The following TTN variants were observed in gnomAD, a reference collection of about 807,000 sequenced individuals.
TTN encodes connectin.
A neutral mutation model predicts 3,223.0 loss-of-function variants in TTN; 1,525 were observed. That is an observed-to-expected ratio of 0.47 (90% CI 0.45 to 0.49). The LOEUF is 0.49. Ranked by LOEUF, TTN falls within the 20% of genes least tolerant of loss-of-function variation. The pLI is 0.00. For synonymous variants in TTN, 14,094 were observed against 15,161.0 expected (o/e 0.93, Z 5.17); for missense variants, 40,786 against 43,424.0 (o/e 0.94, Z 5.40).
In TTN at chr2:178,546,825, C is replaced by T; in HGVS notation, c.94603G>A (p.Gly31535Ser). The change falls in exon 341 of 363, where the codon GGC becomes AGC. Residue 31535 changes from glycine to serine, a missense_variant. Physicochemically the swap from Gly to Ser is moderately conservative, Grantham distance 56 (BLOSUM62 0). Coordinates refer to ENST00000589042, the MANE Select transcript of TTN (RefSeq NM_001267550.2). ...LIWSAPAYDGGSKVVGYIIER... is the reference protein window; with the variant it reads ...LIWSAPAYDGSSKVVGYIIER... ...ATGATGTAGCCCACAACCTTGCTGC[C>T]TCCATCATACGCTGGGGCAGACCAA... 6.2e-7 allele frequency: 1 copy of T among 1,610,756 alleles called. No individual in the cohort carries two copies. The highest frequency in any genetic ancestry group is 1.7e-4 in the Middle Eastern group (1 of 6,050).
intron 47 of TTN, chr2:178,751,025 C>T (rs2085341103): frequency 6.2e-7 from 1 of 1,612,618 alleles, no homozygotes; most frequent in South Asian, 1.1e-5. Context: ...AGTTTGAAAG[C>T]TTGTGGGAAG....
chr2:178,563,226 G>T lies in TTN; in HGVS notation c.82906C>A (p.Leu27636Ile). Residue 27636 changes from leucine (L) to isoleucine (I), a missense_variant, in exon 326 of 363, where the codon CTT (leucine) becomes ATT (isoleucine). Physicochemically the swap from Leu to Ile is conservative, Grantham distance 5 (BLOSUM62 2). Coordinates refer to ENST00000589042, the MANE Select transcript of TTN (RefSeq NM_001267550.2). The surrounding 1 kb of genome is among the most constrained non-coding windows in gnomAD (Gnocchi z 4.5). Reference sequence around the variant, plus strand: ...AAGTTATATTCAGTGTTTTCTTTAAGCTTGGTCACTGTGAACTGCTTTCCT... The same window carrying T: ...AAGTTATATTCAGTGTTTTCTTTAATCTTGGTCACTGTGAACTGCTTTCCT... ...LQGKQFTVTK[L>I]KENTEYNFRI... 1 of 1,613,694 alleles carries T rather than the reference G, an allele frequency of 6.2e-7. No homozygotes were observed. Among genetic ancestry groups the T allele is most frequent in the Non-Finnish European group, 8.5e-7 (1 of 1,179,710 alleles).
At position 178,692,931 on chromosome 2, in the gene TTN, T is replaced by C. The variant is rs151213763; in HGVS notation, c.31595-351A>G. Among the ~76,000 whole-genome samples the C allele has an allele frequency of 2.6e-5, 4 of 152,192 alleles. No individual in the cohort carries two copies. In the East Asian group the frequency reaches 5.8e-4, roughly 22 times the overall value. On this transcript the variant is annotated intron_variant, in intron 119 of 362. Coordinates refer to ENST00000589042, the MANE Select transcript of TTN (RefSeq NM_001267550.2). ...TTATAAAGCAGTTTCATAAATACAA[T>C]TGCATTAGATTTTTTTGTGTCTTAA...
rs748984928 is a variant in TTN at position 178,545,894 on chromosome 2, C to A, written c.95342G>T (p.Arg31781Leu). The A allele has an allele frequency of 1.2e-6, 2 of 1,613,856 alleles. No homozygotes were observed. The highest frequency in any genetic ancestry group is 3.3e-5 in the Admixed American group (2 of 60,006). The change falls in exon 343 of 363, where the codon CGA becomes CTA. Residue 31781 changes from arginine (R) to leucine (L), a missense_variant. Arg to Leu is a moderately radical substitution (Grantham distance 102). Transcript: ENST00000589042. Reference protein sequence around the residue: ...RLIKNNEYIFRVRAVNKYGPG... With the variant: ...RLIKNNEYIFLVRAVNKYGPG... Reference sequence around the variant, plus strand: ...GCCATATTTGTTTACTGCCCTCACTCGGAATATGTACTCATTGTTCTTGAT... The same window carrying A: ...GCCATATTTGTTTACTGCCCTCACTAGGAATATGTACTCATTGTTCTTGAT...
At position 178,800,538 on chromosome 2, in the gene TTN, G is replaced by A; in HGVS notation, c.440C>T (p.Ser147Phe). The A allele has an allele frequency of 6.2e-7, 1 of 1,614,144 alleles. No homozygotes were observed. The highest frequency in any genetic ancestry group is 1.3e-5 in the African/African-American group (1 of 75,040). ...TTCTTGTGAAATTTGGAAATCAAGG[G>A]AGCTCTGGATTTCGGCTCCATCCCG... ...FYRDGAEIQSSLDFQISQEGD... is the reference protein window; with the variant it reads ...FYRDGAEIQSFLDFQISQEGD... Residue 147 changes from serine to phenylalanine, a missense_variant, in exon 4 of 363, where the codon TCC becomes TTC. Coordinates refer to ENST00000589042, the MANE Select transcript of TTN (RefSeq NM_001267550.2).
Position 178,799,913 on chromosome 2 carries a change from GT to G in TTN, c.584-4del. The G allele has an allele frequency of 6.2e-7, 1 of 1,614,008 alleles. No homozygotes were observed. The highest frequency in any genetic ancestry group is 8.5e-7 in the Non-Finnish European group (1 of 1,179,888). Reference sequence around the variant, plus strand: ...TTTAGCAGGTACTTCTTCTTCACCTGTGGGAAGGGAAAGATGAATGTTTGGG... The same window carrying G: ...TTTAGCAGGTACTTCTTCTTCACCTGGGGAAGGGAAAGATGAATGTTTGGG... On this transcript the variant is annotated splice_region_variant and splice_polypyrimidine_tract_variant and intron_variant, in intron 4 of 362. Transcript: ENST00000589042.
chr2:178,531,276 T>G lies in TTN; in HGVS notation c.105339A>C (p.Ser35113=). The G allele has an allele frequency of 1.2e-6, 2 of 1,614,012 alleles. No individual in the cohort carries two copies. Among genetic ancestry groups the G allele is most frequent in the Non-Finnish European group, 1.7e-6 (2 of 1,179,882 alleles). ...EMKSAALEEK[S]LEEKSTTRKI... is the part of the protein sequence containing the mutation. ...TTCTGGTTGTGGATTTTTCTTCCAG[T>G]GACTTTTCTTCTAATGCAGCACTTT... The change falls in exon 358 of 363, where the codon TCA becomes TCC. Residue 35113 remains serine, a synonymous_variant. Transcript: ENST00000589042.
chr2:178,633,228 C>T lies in TTN; in HGVS notation c.43045G>A (p.Gly14349Ser), dbSNP rs781452930. 3.2e-5 allele frequency: 51 copies of T among 1,613,044 alleles called. No homozygotes were observed. The highest frequency in any genetic ancestry group is 1.2e-4 in the Admixed American group (7 of 59,952). The change falls in exon 233 of 363, where the codon GGC becomes AGC. Residue 14349 changes from glycine (G) to serine (S), a missense_variant. Gly to Ser is a moderately conservative substitution (Grantham distance 56). Coordinates refer to ENST00000589042, the MANE Select transcript of TTN (RefSeq NM_001267550.2). ...GGCTGTCCTTTCAGCTTCCACTGGCCGTGAACATCAGGTTCAGAAAGTTCA... is the reference window on the plus strand; with the variant it reads ...GGCTGTCCTTTCAGCTTCCACTGGCTGTGAACATCAGGTTCAGAAAGTTCA... ...EIELSEPDVH[G>S]QWKLKGQPLT... is the part of the protein sequence containing the mutation.
Position 178,711,242 on chromosome 2 carries a change from C to T in TTN, c.27994G>A (p.Val9332Met), listed in dbSNP as rs367734747. Residue 9332 changes from valine (V) to methionine (M), a missense_variant, in exon 97 of 363, where the codon GTG becomes ATG. Transcript: ENST00000589042. ...GGCTTGCCGTCTTTATACCAAGACA[C>T]GGAGATAGGTTCTGATCCACTTATG... Reference protein sequence around the residue: ...CAISGSEPISVSWYKDGKPLK... With the variant: ...CAISGSEPISMSWYKDGKPLK... 4.3e-6 allele frequency: 7 copies of T among 1,613,702 alleles called. No homozygotes were observed. The highest frequency in any genetic ancestry group is 2.2e-5 in the East Asian group (1 of 44,880).
chr2:178,770,725 G>A (rs2091342987), intron 34 of TTN, 50 bp from the exon 35 acceptor site: 2 of 1,591,550 alleles, frequency 1.3e-6, no homozygotes, highest in Non-Finnish European at 1.7e-6. Context: ...ACATCATCAA[G>A]GAAAAGAAGT....
intron 350 of TTN, 195 bp downstream of exon 350, chr2:178,541,087 G>A: frequency 2.3e-6 from 1 of 436,294 alleles, no homozygotes; most frequent in East Asian, 3.6e-5. Flanking sequence ...AGCAGCTGGG[G>A]TGGGGAAGGG....
At chr2:178,780,549 T>C (rs1267705603) in intron 21 of TTN, among the ~76,000 whole-genome samples, 1 of 152,268 alleles carries the variant, frequency 6.6e-6, no homozygotes, top group East Asian at 1.9e-4. Context: ...GATAATATTG[T>C]AATTTCCTCT....
In TTN at chr2:178,534,181, G is replaced by A; in HGVS notation, c.102434C>T (p.Ala34145Val). The A allele has an allele frequency of 6.2e-7, 1 of 1,613,846 alleles. No homozygotes were observed. The highest frequency in any genetic ancestry group is 8.5e-7 in the Non-Finnish European group (1 of 1,179,852). ...IGPVSGQIMH[A>V]VGEEGGHVKY... Reference sequence around the variant, plus strand: ...GACATGTCCTCCTTCTTCACCAACTGCATGCATTATCTGCCCAGAAACTGG... The same window carrying A: ...GACATGTCCTCCTTCTTCACCAACTACATGCATTATCTGCCCAGAAACTGG... The change falls in exon 358 of 363, where the codon GCA becomes GTA. Residue 34145 changes from alanine (A) to valine (V), a missense_variant. Ala to Val is a moderately conservative substitution (Grantham distance 64). Transcript: ENST00000589042.
intron 121 of TTN, among the ~76,000 whole-genome samples, chr2:178,690,700 C>A (rs2072176684): frequency 6.6e-6 from 1 of 152,122 alleles, no homozygotes; most frequent in Non-Finnish European, 1.5e-5. Flanking sequence ...TGAATCCCTG[C>A]ACCTCTGCAC....
In TTN at chr2:178,633,477, T is replaced by C; in HGVS notation, c.42882A>G (p.Lys14294=). 1 of 1,613,412 alleles carries C rather than the reference T, an allele frequency of 6.2e-7. No homozygotes were observed. Among genetic ancestry groups the C allele is most frequent in the Non-Finnish European group, 8.5e-7 (1 of 1,179,616 alleles). The change falls in exon 232 of 363, where the codon AAA becomes AAG. Residue 14294 remains lysine (K), a synonymous_variant. Coordinates refer to ENST00000589042, the MANE Select transcript of TTN (RefSeq NM_001267550.2). ...AGTCACACACATATTCGCCTTTATC[T>C]TTAAGGTCCGCCTTTTTGATTTTTA... The part of the protein sequence containing the change: ...RILKIKKADL[K]DKGEYVCDCG...
At chr2:178,665,062 C>G in intron 165 of TTN, 136 bp from the exon 166 acceptor site, 1 of 1,080,824 alleles carries the variant, frequency 9.3e-7, no homozygotes, top group Non-Finnish European at 1.3e-6. Flanking sequence ...TAGGCTAAGT[C>G]TTTTAAGGGG....
intron 49 of TTN, among the ~76,000 whole-genome samples, chr2:178,737,690 A>C (rs2081757311): frequency 6.6e-6 from 1 of 152,170 alleles, no homozygotes; most frequent in South Asian, 2.1e-4. Flanking sequence ...ATTTAATTTT[A>C]GACTTAGACA....
Position 178,529,974 on chromosome 2 carries a change from T to C in TTN, c.106517A>G (p.Lys35506Arg). Reference protein sequence around the residue: ...NSAGSVSSSCKLTIKAIKDTE... With the variant: ...NSAGSVSSSCRLTIKAIKDTE... ...AGCCAACCTACCTTTTATTGTTAAT[T>C]TGCAGCTAGAGGACACAGATCCAGC... The change falls in exon 359 of 363, where the codon AAA becomes AGA. Residue 35506 changes from lysine to arginine, a missense_variant. By Grantham distance (26) the Lys-to-Arg change is conservative (BLOSUM62 2). Transcript: ENST00000589042. The C allele has an allele frequency of 6.3e-7, 1 of 1,595,150 alleles. No individual in the cohort carries two copies. The highest frequency in any genetic ancestry group is 8.5e-7 in the Non-Finnish European group (1 of 1,175,612).
chr2:178,732,463 C>A lies in TTN; in HGVS notation c.16598G>T (p.Cys5533Phe). ...KVSNVAGGVE[C>F]SANLFVKEPA... The stretch of plus-strand genomic sequence containing the variant: ...ACCTTTTACAAACAAGTTTGCACTG[C>A]ATTCCACCCCTCCAGCGACATTGCT... Residue 5533 changes from cysteine (C) to phenylalanine (F), a missense_variant, in exon 56 of 363, where the codon TGC becomes TTC. By Grantham distance (205) the Cys-to-Phe change is radical. Coordinates refer to ENST00000589042, the MANE Select transcript of TTN (RefSeq NM_001267550.2). 1 of 1,610,928 alleles carries A rather than the reference C, an allele frequency of 6.2e-7. No homozygotes were observed. Among genetic ancestry groups the A allele is most frequent in the Non-Finnish European group, 8.5e-7 (1 of 1,177,984 alleles).
Sources: allele counts gnomAD v4.1 joint callset (sites outside exome capture counted in the v4.1 genomes callset), GRCh38; gene constraint gnomAD v4.1.1; non-coding constraint Gnocchi (gnomAD v3.1); transcripts MANE v1.5; gene names NCBI Gene and HGNC (gene_info 2026-07-23, HGNC 2026-07-21).